The following DCC variants were observed in gnomAD, a reference collection of about 807,000 sequenced individuals.
DCC encodes netrin receptor DCC.
Under a neutral mutation model 172.5 loss-of-function variants are expected in DCC, and 58 were observed. That is an observed-to-expected ratio of 0.34 (90% CI 0.27 to 0.42). The LOEUF (loss-of-function observed/expected upper bound fraction) is 0.42. Ranked by LOEUF, DCC falls within the 10% of genes least tolerant of loss-of-function variation. The pLI is 1.00. For missense variants in DCC, 1,740 were observed against 1,791.0 expected (o/e 0.97, Z 0.51); for synonymous variants, 709 against 644.5 (o/e 1.10, Z -1.52).
At chr18:53,122,896 C>T (rs2043503070) in intron 7 of DCC, among the ~76,000 whole-genome samples, 1 of 152,048 alleles carries the variant, frequency 6.6e-6, no homozygotes, top group Non-Finnish European at 1.5e-5. Context: ...CTCCCTTTTG[C>T]ATGCATATCT....
chr18:53,165,563 C>A (rs2054904789), intron 8 of DCC, among the ~76,000 whole-genome samples: 2 of 152,120 alleles, frequency 1.3e-5, no homozygotes, highest in South Asian at 4.1e-4. Flanking sequence ...CTTCTTAGAG[C>A]CCCACTCTGC....
At chr18:53,428,464 T>TATATA (rs547267821) in intron 21 of DCC, among the ~76,000 whole-genome samples, 11,535 of 35,084 alleles carry the variant, frequency 0.33, 3,719 homozygotes, top group African/African-American at 0.62. Context: ...TTATATATAT[T>TATATA]ATATAATATA....
chr18:52,867,895 A>G (rs1216467907), intron 2 of DCC, among the ~76,000 whole-genome samples: 1 of 152,034 alleles, frequency 6.6e-6, no homozygotes, highest in Non-Finnish European at 1.5e-5. Context: ...TTTAGGTCAG[A>G]TTTTTGCTCT....
At chr18:52,704,966 T>C (rs1203120023) in intron 1 of DCC, among the ~76,000 whole-genome samples, 4 of 152,158 alleles carry the variant, frequency 2.6e-5, no homozygotes, top group Non-Finnish European at 4.4e-5. Flanking sequence ...GTACCCTTCA[T>C]GCATCTTAAT....
chr18:53,308,271 T>C (rs1047453330), intron 13 of DCC, among the ~76,000 whole-genome samples: 5 of 151,930 alleles, frequency 3.3e-5, no homozygotes, highest in Admixed American at 3.3e-4. Flanking sequence ...ATTTAAAACA[T>C]AGTAAGCAAA....
intron 1 of DCC, among the ~76,000 whole-genome samples, chr18:52,722,144 G>A (rs1326865499): frequency 6.6e-6 from 1 of 152,134 alleles, no homozygotes; most frequent in East Asian, 1.9e-4. Flanking sequence ...ATTCTAAAAG[G>A]CTTGCTACAA....
At chr18:52,437,414 T>C (rs1330440915) in intron 1 of DCC, among the ~76,000 whole-genome samples, 1 of 152,184 alleles carries the variant, frequency 6.6e-6, no homozygotes, top group Non-Finnish European at 1.5e-5. Flanking sequence ...AGATAATTAC[T>C]ATGGCCTTTC....
chr18:53,494,528 G>T (rs2045996607), intron 26 of DCC, among the ~76,000 whole-genome samples: 1 of 152,202 alleles, frequency 6.6e-6, no homozygotes, highest in Non-Finnish European at 1.5e-5. Context: ...AGGATACTTA[G>T]CTCTTCTTGT....
chr18:52,558,192 A>T (rs1220732647), intron 1 of DCC, among the ~76,000 whole-genome samples: 1 of 151,852 alleles, frequency 6.6e-6, no homozygotes, highest in Non-Finnish European at 1.5e-5. Context: ...TTATTGGGAA[A>T]AACAATTTAT....
At chr18:52,932,433 A>G (rs2040319961) in intron 5 of DCC, among the ~76,000 whole-genome samples, 1 of 152,152 alleles carries the variant, frequency 6.6e-6, no homozygotes, top group South Asian at 2.1e-4. Flanking sequence ...ATCTTTTACA[A>G]AGTGCCAGGC....
chr18:52,713,874 G>C (rs2036336724), intron 1 of DCC, among the ~76,000 whole-genome samples: 1 of 152,118 alleles, frequency 6.6e-6, no homozygotes, highest in Non-Finnish European at 1.5e-5. Context: ...CTCTGTGTCA[G>C]GGCAGACCAA....
Position 53,267,110 on chromosome 18 carries a change from TCA to T in DCC, c.1912-38445_1912-38444del, listed in dbSNP as rs140978906. Among the ~76,000 whole-genome samples the T allele has an allele frequency of 4.1e-3, 568 of 137,398 alleles. 1 individual carries two copies. Among genetic ancestry groups the T allele is most frequent in the Middle Eastern group, 0.01 (3 of 290 alleles). The allele number at this position is 137,398 out of a possible 152,430, so 90.1% of individuals were successfully genotyped here. A position where few individuals can be genotyped will look rare whatever the true frequency, so the allele number is the denominator to read the frequency against. ...TATACACACACACACACTCTCTCTC[TCA>T]CACACACACACACACACACACATAT... On this transcript the variant is annotated intron_variant, in intron 12 of 28. Transcript: ENST00000442544.
intron 2 of DCC, among the ~76,000 whole-genome samples, chr18:52,824,967 C>CATATATATATAT (rs148347043): frequency 1.0e-4 from 15 of 148,362 alleles, no homozygotes; most frequent in African/African-American, 3.2e-4. Context: ...GAGACTCCCT[C>CATATATATATAT]ATATATATAT....
intron 2 of DCC, among the ~76,000 whole-genome samples, chr18:52,796,547 CTT>C (rs781584516): frequency 9.2e-5 from 14 of 152,074 alleles, no homozygotes; most frequent in Non-Finnish European, 1.8e-4. Flanking sequence ...CTGGGAAAGA[CTT>C]TATTTTTCCT....
intron 2 of DCC, among the ~76,000 whole-genome samples, chr18:52,786,332 T>C (rs1174649039): frequency 6.6e-6 from 1 of 152,036 alleles, no homozygotes; most frequent in Non-Finnish European, 1.5e-5. Flanking sequence ...ACCATTTGAT[T>C]ACAGGAATAA....
intron 8 of DCC, among the ~76,000 whole-genome samples, 175 bp downstream of exon 8, chr18:53,157,687 G>A (rs1219786335): frequency 6.6e-6 from 1 of 152,128 alleles, no homozygotes; most frequent in Non-Finnish European, 1.5e-5. Flanking sequence ...CAGTGTTGTT[G>A]ACACAGTCTA....
intron 12 of DCC, among the ~76,000 whole-genome samples, chr18:53,275,022 C>T (rs1258046929): frequency 6.6e-6 from 1 of 152,084 alleles, no homozygotes; most frequent in Non-Finnish European, 1.5e-5. Flanking sequence ...CCCAACTACA[C>T]TGAAAATTTT....
At chr18:52,928,953 G>T (rs1208268410) in intron 5 of DCC, among the ~76,000 whole-genome samples, 2 of 151,990 alleles carry the variant, frequency 1.3e-5, no homozygotes, top group Admixed American at 1.3e-4. Flanking sequence ...TCTTTGGTCA[G>T]GCCTGTTCCC....
chr18:52,884,046 G>A (rs1246253670), intron 2 of DCC, among the ~76,000 whole-genome samples: 1 of 151,686 alleles, frequency 6.6e-6, no homozygotes, highest in Non-Finnish European at 1.5e-5. Flanking sequence ...GGCCTGTAAG[G>A]TTCCCACCGA....
Sources: gnomAD v4.1 joint callset for allele counts (sites outside exome capture counted in the v4.1 genomes callset) on GRCh38, gnomAD v4.1.1 for gene constraint, MANE v1.5 for transcripts, NCBI Gene and HGNC (gene_info 2026-07-23, HGNC 2026-07-21) for gene names.